The following WDR7 variants were observed in gnomAD, a reference collection of about 807,000 sequenced individuals.
WDR7 encodes the protein WD repeat-containing protein 7.
WDR7 carries 46 observed loss-of-function variants against 169.4 expected under a neutral mutation model. That is an observed-to-expected ratio of 0.27 (90% CI 0.21 to 0.35). The LOEUF (loss-of-function observed/expected upper bound fraction) is 0.35, where lower values mean the gene tolerates loss of function less well. Ranked by LOEUF, WDR7 falls within the 10% of genes least tolerant of loss-of-function variation. WDR7 has a pLI of 1.00. For synonymous variants in WDR7, 612 were observed against 666.8 expected (o/e 0.92, Z 1.27); for missense variants, 1,534 against 1,859.3 (o/e 0.83, Z 3.22).
chr18:57,017,104 A>T (rs1208823200), intron 26 of WDR7, among the ~76,000 whole-genome samples: 2 of 152,230 alleles, frequency 1.3e-5, no homozygotes, highest in African/African-American at 4.8e-5. Context: ...TGCATCTCTA[A>T]TGCCAGAGTA....
chr18:56,835,228 C>T lies in WDR7; in HGVS notation c.3304+19084C>T, dbSNP rs183180170. Reference sequence around the variant, plus strand: ...TTAGAATATCAAAAAATGTGCCTCCCTTGTCTTAAGAACTAGTAAAGGATT... The same window carrying T: ...TTAGAATATCAAAAAATGTGCCTCCTTTGTCTTAAGAACTAGTAAAGGATT... On this transcript the variant is annotated intron_variant, in intron 20 of 27. Transcript: ENST00000254442. Among the ~76,000 whole-genome samples the T allele has an allele frequency of 2.1e-4, 32 of 152,268 alleles. 1 individual carries two copies. Among genetic ancestry groups the T allele is most frequent in the East Asian group, 1.9e-3 (10 of 5,188 alleles).
At chr18:56,714,447 T>G (rs1221887989) in intron 12 of WDR7, among the ~76,000 whole-genome samples, 1 of 150,042 alleles carries the variant, frequency 6.7e-6, no homozygotes, top group African/African-American at 2.4e-5. Context: ...GACGAAACTT[T>G]TTTTTTTTTT....
At chr18:56,949,156 T>TCTCTCTCTCTCTCCCTCTC (rs879455948) in intron 25 of WDR7, among the ~76,000 whole-genome samples, 3 of 143,860 alleles carry the variant, frequency 2.1e-5, no homozygotes, top group African/African-American at 7.5e-5. Context: ...CTCTCTCTCT[T>TCTCTCTCTCTCTCCCTCTC]TCCCTTTGGC....
intron 8 of WDR7, 137 bp downstream of exon 8, chr18:56,691,498 AT>A: frequency 8.9e-7 from 1 of 1,123,514 alleles, no homozygotes; most frequent in Non-Finnish European, 1.2e-6. Flanking sequence ...CTTAAGTTAG[AT>A]TTTTAATTCC....
chr18:56,703,301 A>G (rs1375219491), intron 12 of WDR7, among the ~76,000 whole-genome samples: 1 of 152,222 alleles, frequency 6.6e-6, no homozygotes, highest in Non-Finnish European at 1.5e-5. Flanking sequence ...TTGACAAATT[A>G]GATATTCTTT....
intron 22 of WDR7, among the ~76,000 whole-genome samples, chr18:56,933,164 G>A (rs550997786): frequency 6.6e-5 from 10 of 152,230 alleles, no homozygotes; most frequent in South Asian, 2.1e-4. Context: ...GTATATCCAC[G>A]GGGAGGGCAG....
intron 24 of WDR7, 99 bp from the exon 25 acceptor site, chr18:56,939,212 A>T: frequency 1.2e-6 from 1 of 803,888 alleles, no homozygotes; most frequent in Non-Finnish European, 1.9e-6. Context: ...ATAAAGCTAT[A>T]TAGACTTTCT....
At chr18:56,879,015 T>C (rs2046068326) in intron 20 of WDR7, among the ~76,000 whole-genome samples, 1 of 152,240 alleles carries the variant, frequency 6.6e-6, no homozygotes, top group Admixed American at 6.5e-5. Flanking sequence ...ACCAACCTAA[T>C]ACATTTTCTT....
intron 13 of WDR7, among the ~76,000 whole-genome samples, chr18:56,720,157 A>G (rs2026288854): frequency 6.6e-6 from 1 of 152,162 alleles, no homozygotes. Context: ...AAATACTATC[A>G]ATATTAAGAC....
chr18:56,874,812 A>G (rs991559707), intron 20 of WDR7, among the ~76,000 whole-genome samples: 3 of 152,180 alleles, frequency 2.0e-5, no homozygotes, highest in African/African-American at 7.2e-5. Flanking sequence ...AAGCTAAGAA[A>G]CCATAACAGC....
intron 26 of WDR7, among the ~76,000 whole-genome samples, chr18:57,015,979 A>C (rs192594299): frequency 1.3e-5 from 2 of 152,302 alleles, no homozygotes; most frequent in Admixed American, 1.3e-4. Flanking sequence ...CTTGTACCTT[A>C]TGAAAACAAG....
intron 1 of WDR7, among the ~76,000 whole-genome samples, chr18:56,665,162 G>A (rs554818416): frequency 2.6e-5 from 4 of 152,000 alleles, no homozygotes; most frequent in East Asian, 1.9e-4. Context: ...GACTAGTAGC[G>A]GGCGCCTGTA....
chr18:56,780,204 A>T (rs1410297744), intron 18 of WDR7, among the ~76,000 whole-genome samples: 1 of 152,206 alleles, frequency 6.6e-6, no homozygotes, highest in Non-Finnish European at 1.5e-5. Context: ...TAATGGCCTT[A>T]TTCTATATTA....
At chr18:57,002,361 C>T (rs2047995164) in intron 26 of WDR7, among the ~76,000 whole-genome samples, 2 of 151,902 alleles carry the variant, frequency 1.3e-5, no homozygotes, top group African/African-American at 4.8e-5. Flanking sequence ...TTTTTGCATC[C>T]TAGAAAAATG....
intron 1 of WDR7, among the ~76,000 whole-genome samples, chr18:56,663,471 C>T (rs971391549): frequency 1.3e-5 from 2 of 152,048 alleles, no homozygotes; most frequent in African/African-American, 4.8e-5. Flanking sequence ...GGAGAATGCC[C>T]TTATTTTTAA....
chr18:56,880,260 G>A (rs2046086886), intron 21 of WDR7, 95 bp downstream of exon 21: 1 of 1,249,040 alleles, frequency 8.0e-7, no homozygotes, highest in East Asian at 2.5e-5. Context: ...CTGAGTTTTA[G>A]CTCATTTAGA....
intron 2 of WDR7, among the ~76,000 whole-genome samples, chr18:56,675,016 A>G (rs1423090469): frequency 1.3e-5 from 2 of 152,134 alleles, no homozygotes; most frequent in Admixed American, 6.5e-5. Context: ...TCTCAATTCT[A>G]TTTTATGGTT....
chr18:56,834,850 G>A (rs945953575), intron 20 of WDR7, among the ~76,000 whole-genome samples: 4 of 152,050 alleles, frequency 2.6e-5, no homozygotes, highest in African/African-American at 4.8e-5. Context: ...TCTGCTTTCC[G>A]TCTTATTGGT....
chr18:56,794,302 C>CTTTTTTTTTTTTTTTTTTTTTT (rs1217568621), intron 19 of WDR7, among the ~76,000 whole-genome samples: 3 of 29,462 alleles, frequency 1.0e-4, no homozygotes. Context: ...AAGGTAAAGT[C>CTTTTTTTTTTTTTTTTTTTTTT]TATTTTTTTT....
Sources: gnomAD v4.1 joint callset for allele counts (sites outside exome capture counted in the v4.1 genomes callset) on GRCh38, gnomAD v4.1.1 for gene constraint, MANE v1.5 for transcripts, NCBI Gene and HGNC (gene_info 2026-07-23, HGNC 2026-07-21) for gene names.